Variants in ADAMTS6 observed in about 807,000 individuals in gnomAD.
The protein encoded by ADAMTS6 is A disintegrin and metalloproteinase with thrombospondin motifs 6.
Under a neutral mutation model 144.3 loss-of-function variants are expected in ADAMTS6, and 23 were observed. The ratio of observed to expected loss-of-function variants is 0.16; its 90% CI spans 0.11 to 0.23. ADAMTS6 has a LOEUF of 0.23. ADAMTS6 is among the 10% of genes least tolerant of loss of function. The pLI is 1.00. For missense variants in ADAMTS6, 999 were observed against 1,379.6 expected, an observed-to-expected ratio of 0.72 and a Z score of 4.37; for synonymous variants, 444 against 457.5, an observed-to-expected ratio of 0.97 and a Z score of 0.38.
At chr5:65,273,217 GAATT>G in intron 12 of ADAMTS6, 119 bp downstream of exon 12, 2 of 814,330 alleles carry the variant, frequency 2.5e-6, no homozygotes, top group Admixed American at 2.0e-5. Context: ...ATTGTTCTAG[GAATT>G]AATTATTTTC....
At chr5:65,332,521 G>T (rs1236827785) in intron 8 of ADAMTS6, among the ~76,000 whole-genome samples, 1 of 151,766 alleles carries the variant, frequency 6.6e-6, no homozygotes, top group Non-Finnish European at 1.5e-5. Context: ...AATATGGGGG[G>T]TAAGTTTAAA....
At chr5:65,460,111 A>G in intron 4 of ADAMTS6, 59 bp downstream of exon 4, 1 of 1,553,888 alleles carries the variant, frequency 6.4e-7, no homozygotes, top group Non-Finnish European at 8.7e-7. Flanking sequence ...ACTTGCCAGA[A>G]GAAAGAAAAA....
At chr5:65,195,343 A>G (rs1755269957) in intron 21 of ADAMTS6, among the ~76,000 whole-genome samples, 1 of 152,222 alleles carries the variant, frequency 6.6e-6, no homozygotes, top group African/African-American at 2.4e-5. Context: ...ATACTTTCCC[A>G]TGTCTGGATT....
chr5:65,251,543 C>T (rs1164615996), intron 14 of ADAMTS6: 2 of 152,182 alleles, frequency 1.3e-5, no homozygotes, highest in Non-Finnish European at 2.9e-5. Flanking sequence ...CCTACTGCAG[C>T]TATTGTCTTT....
chr5:65,287,367 A>G (rs1741779694), intron 11 of ADAMTS6, among the ~76,000 whole-genome samples: 1 of 152,200 alleles, frequency 6.6e-6, no homozygotes, highest in South Asian at 2.1e-4. Context: ...AAAACAAAAT[A>G]CATCTGCTAC....
intron 7 of ADAMTS6, among the ~76,000 whole-genome samples, chr5:65,413,872 A>G (rs1401529659): frequency 6.6e-6 from 1 of 152,160 alleles, no homozygotes; most frequent in East Asian, 1.9e-4. Context: ...CTATTAACAT[A>G]ATTAAATCAA....
At chr5:65,476,338 C>G (rs922495084) in intron 1 of ADAMTS6, among the ~76,000 whole-genome samples, 2 of 152,178 alleles carry the variant, frequency 1.3e-5, no homozygotes, top group African/African-American at 2.4e-5. Context: ...AGATTCCTGA[C>G]CCAGAGAAAC....
intron 7 of ADAMTS6, among the ~76,000 whole-genome samples, chr5:65,352,530 T>C (rs185368589): frequency 4.7e-4 from 72 of 152,134 alleles, no homozygotes; most frequent in African/African-American, 1.6e-3. Context: ...AAAAAAATTT[T>C]AACAAAGAAA....
chr5:65,309,125 G>T (rs569306999), intron 9 of ADAMTS6, among the ~76,000 whole-genome samples: 122 of 152,208 alleles, frequency 8.0e-4, no homozygotes, highest in African/African-American at 2.8e-3. Context: ...TTGGTGGCGG[G>T]GGGGTGGTGG....
intron 12 of ADAMTS6, among the ~76,000 whole-genome samples, chr5:65,268,968 G>C (rs1269697725): frequency 6.6e-6 from 1 of 152,112 alleles, no homozygotes; most frequent in African/African-American, 2.4e-5. Context: ...GTTTTATTCT[G>C]CTGGCTAGAC....
intron 11 of ADAMTS6, 74 bp downstream of exon 11, chr5:65,291,255 G>A (rs1445049782): frequency 1.1e-5 from 17 of 1,503,650 alleles, no homozygotes; most frequent in East Asian, 2.3e-5. Context: ...GACATTCATC[G>A]TAATTCCATC....
intron 15 of ADAMTS6, among the ~76,000 whole-genome samples, chr5:65,239,880 C>T (rs1425517116): frequency 6.6e-6 from 1 of 152,094 alleles, no homozygotes; most frequent in Non-Finnish European, 1.5e-5. Flanking sequence ...CAAATAGAAC[C>T]CTCAGACATT....
rs554649910 is a variant in ADAMTS6, at chr5:65,149,289, T to C, written c.*2547A>G. On this transcript the variant is annotated 3_prime_UTR_variant, in exon 25 of 25. Coordinates refer to ENST00000381055, the MANE Select transcript of ADAMTS6 (RefSeq NM_197941.4). ...CAATGCTATTGTTATTATTTAGGAA[T>C]AGGGCATCATGTAGCCATGGGGGTG... 1 of 152,230 alleles carries C rather than the reference T, an allele frequency of 6.6e-6. No homozygotes were observed. Among genetic ancestry groups the C allele is most frequent in the Non-Finnish European group, 1.5e-5 (1 of 68,038 alleles). 9.4% of individuals were successfully genotyped at this position (152,230 alleles called of 1,614,324 possible).
chr5:65,447,941 G>GT (rs1350971182), intron 7 of ADAMTS6, among the ~76,000 whole-genome samples: 1 of 150,784 alleles, frequency 6.6e-6, no homozygotes, highest in Admixed American at 6.6e-5. Flanking sequence ...ATGTCAGATA[G>GT]TTAATACAAC....
intron 23 of ADAMTS6, among the ~76,000 whole-genome samples, chr5:65,172,465 A>G (rs930121954): frequency 6.6e-6 from 1 of 152,008 alleles, no homozygotes; most frequent in Non-Finnish European, 1.5e-5. Context: ...TGGGAAAATG[A>G]AGACACTGCT....
intron 2 of ADAMTS6, among the ~76,000 whole-genome samples, chr5:65,472,976 C>T (rs1367329409): frequency 6.6e-6 from 1 of 152,104 alleles, no homozygotes; most frequent in East Asian, 1.9e-4. Context: ...AAGGACTGGA[C>T]TGGTCCATGG....
At chr5:65,467,005 G>A (rs1760074031) in intron 3 of ADAMTS6, among the ~76,000 whole-genome samples, 2 of 149,228 alleles carry the variant, frequency 1.3e-5, no homozygotes, top group African/African-American at 5.0e-5. Context: ...TTGCGCCACT[G>A]CACCCAGCCT....
intron 11 of ADAMTS6, among the ~76,000 whole-genome samples, chr5:65,274,386 T>C (rs1251790032): frequency 6.6e-6 from 1 of 151,998 alleles, no homozygotes; most frequent in African/African-American, 2.4e-5. Flanking sequence ...TAGAACTTAG[T>C]ATAATATATA....
chr5:65,386,650 TG>T (rs1261887841), intron 7 of ADAMTS6, among the ~76,000 whole-genome samples: 1 of 152,204 alleles, frequency 6.6e-6, no homozygotes, highest in East Asian at 1.9e-4. Flanking sequence ...TGCAGTGGCC[TG>T]ACCTTGACTC....
Sources: allele counts gnomAD v4.1 joint callset (sites outside exome capture counted in the v4.1 genomes callset), GRCh38; gene constraint gnomAD v4.1.1; transcripts MANE v1.5; gene names NCBI Gene and HGNC (gene_info 2026-07-23, HGNC 2026-07-21).